The following PTPRD variants were observed in gnomAD, a reference collection of about 807,000 sequenced individuals.
The protein encoded by PTPRD is receptor-type tyrosine-protein phosphatase delta.
PTPRD carries 34 observed loss-of-function variants against 214.5 expected under a neutral mutation model. The ratio of observed to expected loss-of-function variants is 0.16; its 90% CI spans 0.12 to 0.21. PTPRD has a LOEUF of 0.21. PTPRD is among the 10% of genes least tolerant of loss of function. The pLI, the probability that PTPRD is intolerant of heterozygous loss-of-function variation, is 1.00. For missense variants in PTPRD, 2,545 were observed against 2,398.7 expected (o/e 1.06, Z -1.27); for synonymous variants, 1,128 against 845.7 (o/e 1.33, Z -5.79).
chr9:8,809,090 T>C (rs1015355055), intron 11 of PTPRD, among the ~76,000 whole-genome samples: 2 of 152,186 alleles, frequency 1.3e-5, no homozygotes, highest in African/African-American at 4.8e-5. Flanking sequence ...AGCTAGTTGT[T>C]ACACCACTTA....
At chr9:9,956,535 C>G (rs1432064642) in intron 4 of PTPRD, among the ~76,000 whole-genome samples, 1 of 151,880 alleles carries the variant, frequency 6.6e-6, no homozygotes, top group Non-Finnish European at 1.5e-5. Context: ...TAAAAATATT[C>G]AAAATTAATA....
chr9:9,784,565 A>C (rs2098901669), intron 5 of PTPRD, among the ~76,000 whole-genome samples: 1 of 152,018 alleles, frequency 6.6e-6, no homozygotes, highest in Non-Finnish European at 1.5e-5. Flanking sequence ...TCTAAAGTCA[A>C]ATCCATTAAG....
At chr9:9,529,443 C>T (rs937300720) in intron 8 of PTPRD, among the ~76,000 whole-genome samples, 29 of 152,020 alleles carry the variant, frequency 1.9e-4, no homozygotes, top group Non-Finnish European at 4.1e-4. Context: ...AATGTAAACC[C>T]AAGAAACTTA....
rs189108724 is a variant in PTPRD at position 9,633,580 on chromosome 9, C to G, written c.-286-58799G>C. On this transcript the variant is annotated intron_variant, in intron 7 of 45. Transcript: ENST00000381196. ...ATAAGCAAGGAGTCTGATTCTCTCTCAGTGAGAGATATTTCTAGCTCACTC... is the reference window on the plus strand; with the variant it reads ...ATAAGCAAGGAGTCTGATTCTCTCTGAGTGAGAGATATTTCTAGCTCACTC... Among the ~76,000 whole-genome samples, 25 of 152,254 alleles carry G rather than the reference C, an allele frequency of 1.6e-4. No homozygotes were observed. The East Asian group carries it at 4.6e-3, about 28-fold the overall frequency.
intron 37 of PTPRD, among the ~76,000 whole-genome samples, chr9:8,387,847 T>G (rs924102748): frequency 6.6e-6 from 1 of 152,192 alleles, no homozygotes; most frequent in African/African-American, 2.4e-5. Flanking sequence ...TATGAACTAT[T>G]ATATCCAAGA....
chr9:8,376,872 A>G, intron 37 of PTPRD, 146 bp from the exon 38 acceptor site: 7 of 1,064,788 alleles, frequency 6.6e-6, no homozygotes, highest in Non-Finnish European at 9.4e-6. Context: ...TTATCCCAAT[A>G]TATGTAAATT....
chr9:10,172,460 T>G (rs1280185342), intron 3 of PTPRD, among the ~76,000 whole-genome samples: 1 of 152,238 alleles, frequency 6.6e-6, no homozygotes, highest in Non-Finnish European at 1.5e-5. Flanking sequence ...TCTTACCTAC[T>G]GAATTACTTG....
At chr9:10,305,364 A>G (rs1323904017) in intron 3 of PTPRD, among the ~76,000 whole-genome samples, 2 of 149,326 alleles carry the variant, frequency 1.3e-5, no homozygotes, top group Non-Finnish European at 3.0e-5. Context: ...CTTCATGACT[A>G]AAACACCAAA....
At chr9:9,204,505 G>C (rs549517609) in intron 9 of PTPRD, among the ~76,000 whole-genome samples, 2 of 152,154 alleles carry the variant, frequency 1.3e-5, no homozygotes, top group Admixed American at 1.3e-4. Context: ...GCATTACCGG[G>C]TTCTCAACTT....
At chr9:9,334,129 AC>A (rs1339820490) in intron 9 of PTPRD, among the ~76,000 whole-genome samples, 1 of 152,036 alleles carries the variant, frequency 6.6e-6, no homozygotes, top group African/African-American at 2.4e-5. Context: ...AGAAATAAAA[AC>A]ATAGATCTCG....
At chr9:10,328,705 T>A (rs556239561) in intron 3 of PTPRD, among the ~76,000 whole-genome samples, 6 of 151,790 alleles carry the variant, frequency 4.0e-5, no homozygotes, top group Non-Finnish European at 7.4e-5. Context: ...AATGAATTCA[T>A]CTCTATGCAG....
At chr9:9,874,580 A>C (rs892475429) in intron 5 of PTPRD, among the ~76,000 whole-genome samples, 3 of 152,196 alleles carry the variant, frequency 2.0e-5, no homozygotes, top group African/African-American at 7.2e-5. Context: ...AGGAAAGAAA[A>C]TGAACTCAAC....
chr9:10,263,685 C>A, intron 3 of PTPRD, among the ~76,000 whole-genome samples: 1 of 152,064 alleles, frequency 6.6e-6, no homozygotes. Flanking sequence ...AATAGACAAG[C>A]AAAATCCATT....
chr9:9,128,223 T>C (rs561074572), intron 10 of PTPRD, among the ~76,000 whole-genome samples: 1 of 152,312 alleles, frequency 6.6e-6, no homozygotes, highest in East Asian at 1.9e-4. Flanking sequence ...ATATTTACCA[T>C]TGTTAATAGG....
intron 8 of PTPRD, among the ~76,000 whole-genome samples, chr9:9,540,382 A>G (rs953563221): frequency 1.3e-5 from 2 of 151,806 alleles, no homozygotes; most frequent in African/African-American, 4.8e-5. Flanking sequence ...TATGCCAGAT[A>G]TAAGGTGAGA....
At chr9:10,447,990 G>A (rs964554325) in intron 2 of PTPRD, among the ~76,000 whole-genome samples, 2 of 151,536 alleles carry the variant, frequency 1.3e-5, no homozygotes, top group Admixed American at 1.3e-4. Flanking sequence ...TATAATCACT[G>A]TGTGTGAGTG....
chr9:9,256,212 G>A (rs1480970536), intron 9 of PTPRD, among the ~76,000 whole-genome samples: 2 of 151,964 alleles, frequency 1.3e-5, no homozygotes, highest in African/African-American at 4.8e-5. Context: ...AAAGAAGAGT[G>A]ACAATGACAT....
chr9:8,773,538 G>C (rs1013542862), intron 11 of PTPRD, among the ~76,000 whole-genome samples: 1 of 151,982 alleles, frequency 6.6e-6, no homozygotes, highest in African/African-American at 2.4e-5. Context: ...TTTATGGCTT[G>C]TTTCACACAG....
intron 5 of PTPRD, among the ~76,000 whole-genome samples, chr9:9,908,935 G>A (rs1469594792): frequency 2.0e-5 from 3 of 151,838 alleles, no homozygotes; most frequent in South Asian, 2.1e-4. Context: ...GAAGATATAG[G>A]CTATATTCCT....
Sources: allele counts gnomAD v4.1 joint callset (sites outside exome capture counted in the v4.1 genomes callset), GRCh38; gene constraint gnomAD v4.1.1; transcripts MANE v1.5; gene names NCBI Gene and HGNC (gene_info 2026-07-23, HGNC 2026-07-21).